Variants in ASIC3 observed in about 807,000 individuals in gnomAD.
ASIC3 encodes the protein acid-sensing ion channel 3.
Under a neutral mutation model 58.6 loss-of-function variants are expected in ASIC3, and 46 were observed. The ratio of observed to expected loss-of-function variants is 0.79; its 90% CI spans 0.62 to 1.00. The LOEUF is 1.00. Ranked by LOEUF, ASIC3 falls within the 50% of genes least tolerant of loss-of-function variation. The pLI is 0.00. For missense variants in ASIC3, 770 were observed against 735.0 expected, an observed-to-expected ratio of 1.05 and a Z score of -0.55; for synonymous variants, 336 against 300.2, an observed-to-expected ratio of 1.12 and a Z score of -1.23.
Position 151,052,275 on chromosome 7 carries a change from G to T in ASIC3, c.1458+38G>T. 2.5e-6 allele frequency: 4 copies of T among 1,613,756 alleles called. No individual in the cohort carries two copies. The highest frequency in any genetic ancestry group is 1.3e-5 in the African/African-American group (1 of 75,008). On this transcript the variant is annotated intron_variant, in intron 9 of 10. Transcript: ENST00000349064. The surrounding 1 kb of genome is among the most constrained non-coding windows in gnomAD (Gnocchi z 5.0). ...CTTCTGGAGCCCTTGCCTGCTCCAA[G>T]GGTGCTAGGGCCCACCCCTGAAGCC...
chr7:151,049,058 A>C lies in ASIC3; in HGVS notation c.173A>C (p.Tyr58Ser). ...GTCCTGTCAGTGGCCACCTTCCTCTACCAGGTGGCTGAGAGGGTGCGCTAC... is the reference window on the plus strand; with the variant it reads ...GTCCTGTCAGTGGCCACCTTCCTCTCCCAGGTGGCTGAGAGGGTGCGCTAC... ...AVVLSVATFL[Y>S]QVAERVRYYR... The change falls in exon 1 of 11, where the codon TAC becomes TCC. Residue 58 changes from tyrosine to serine, a missense_variant. Physicochemically the swap from Tyr to Ser is moderately radical, Grantham distance 144. Transcript: ENST00000349064. The C allele has an allele frequency of 6.2e-7, 1 of 1,613,070 alleles. No homozygotes were observed. The highest frequency in any genetic ancestry group is 1.6e-4 in the Middle Eastern group (1 of 6,062).
At position 151,049,050 on chromosome 7, in the gene ASIC3, C is replaced by T. The variant is rs1563316297; in HGVS notation, c.165C>T (p.Thr55=). ...WAAAVVLSVA[T]FLYQVAERVR... is the part of the protein sequence containing the mutation. ...CGGCCGTGGTCCTGTCAGTGGCCACCTTCCTCTACCAGGTGGCTGAGAGGG... is the reference window on the plus strand; with the variant it reads ...CGGCCGTGGTCCTGTCAGTGGCCACTTTCCTCTACCAGGTGGCTGAGAGGG... Residue 55 remains threonine (T), a synonymous_variant, in exon 1 of 11, where the codon ACC becomes ACT. Coordinates refer to ENST00000349064, the MANE Select transcript of ASIC3 (RefSeq NM_004769.4). 1.2e-6 allele frequency: 2 copies of T among 1,613,082 alleles called. No individual in the cohort carries two copies. Among genetic ancestry groups the T allele is most frequent in the Admixed American group, 1.7e-5 (1 of 60,026 alleles).
chr7:151,051,244 C>A lies in ASIC3; in HGVS notation c.1139C>A (p.Ser380Tyr). ...AGCACGCGCTACGCCAAGGAGCTCT[C>A]CATGGTGCGGATCCCGAGCCGCGCC... ...CASTRYAKEL[S>Y]MVRIPSRAAA... The change falls in exon 6 of 11, where the codon TCC becomes TAC. Residue 380 changes from serine to tyrosine, a missense_variant. By Grantham distance (144) the Ser-to-Tyr change is moderately radical. Transcript: ENST00000349064. The A allele has an allele frequency of 6.4e-7, 1 of 1,561,594 alleles. No homozygotes were observed. Among genetic ancestry groups the A allele is most frequent in the South Asian group, 1.2e-5 (1 of 86,278 alleles).
Position 151,048,953 on chromosome 7 carries a change from A to G in ASIC3, c.68A>G (p.Asn23Ser), listed in dbSNP as rs1239130586. Residue 23 changes from asparagine to serine, a missense_variant, in exon 1 of 11, where the codon AAC becomes AGC. Asn to Ser is a conservative substitution (Grantham distance 46). Coordinates refer to ENST00000349064, the MANE Select transcript of ASIC3 (RefSeq NM_004769.4). ...PASDIRVFAS[N>S]CSMHGLGHVF... ...TCGGACATCCGCGTGTTCGCCAGCA[A>G]CTGCTCGATGCACGGGCTGGGCCAC... is the stretch of plus-strand genomic sequence containing the variant. 3.8e-6 allele frequency: 6 copies of G among 1,592,656 alleles called. No individual in the cohort carries two copies. The South Asian group carries it at 4.5e-5, about 12-fold the overall frequency.
intron 1 of ASIC3, among the ~76,000 whole-genome samples, chr7:151,049,707 G>A (rs1257372097): frequency 1.3e-5 from 2 of 152,220 alleles, no homozygotes; most frequent in Non-Finnish European, 2.9e-5. Flanking sequence ...TCCTGGGGCT[G>A]GGGGTCCTCC....
Position 151,052,300 on chromosome 7 carries a change from C to T in ASIC3, c.1458+63C>T. 6.2e-7 allele frequency: 1 copy of T among 1,613,110 alleles called. No individual in the cohort carries two copies. The highest frequency in any genetic ancestry group is 8.5e-7 in the Non-Finnish European group (1 of 1,179,616). ...GGGTGCTAGGGCCCACCCCTGAAGC[C>T]TAGACCACCATCCCGCCCCAGCTGA... On this transcript the variant is annotated intron_variant, in intron 9 of 10. Transcript: ENST00000349064. The surrounding 1 kb of genome is among the most constrained non-coding windows in gnomAD (Gnocchi z 5.0).
In ASIC3 at chr7:151,052,385, C is replaced by A. The variant is rs776173541; in HGVS notation, c.1459-31C>A. On this transcript the variant is annotated intron_variant, in intron 9 of 10. Transcript: ENST00000349064. This position sits in a 1 kb window ranked among gnomAD's most constrained non-coding sequence, Gnocchi z 5.0. ...ACTGGTCCCTGGGAGGAGGACCACTCCCCACCTCTGACCCTCTCGTCCTCA... is the reference window on the plus strand; with the variant it reads ...ACTGGTCCCTGGGAGGAGGACCACTACCCACCTCTGACCCTCTCGTCCTCA... The A allele has an allele frequency of 1.2e-6, 2 of 1,613,744 alleles. No individual in the cohort carries two copies. Among genetic ancestry groups the A allele is most frequent in the Non-Finnish European group, 1.7e-6 (2 of 1,179,936 alleles).
At chr7:151,049,507 G>T (rs1018424838) in intron 1 of ASIC3, 88 bp downstream of exon 1, 2 of 1,471,044 alleles carry the variant, frequency 1.4e-6, no homozygotes, top group Admixed American at 2.3e-5. Context: ...GCCAGCACAG[G>T]CTCCCCCAAA....
rs371766506 is a variant in ASIC3 at position 151,048,543 on chromosome 7, G to A, written c.-343G>A. ...CTGAAACCCAATCCTCTGCAGCAGCGCCGGCTCAGCACCGCCGGCTCAGCA... is the reference window on the plus strand; with the variant it reads ...CTGAAACCCAATCCTCTGCAGCAGCACCGGCTCAGCACCGCCGGCTCAGCA... On this transcript the variant is annotated 5_prime_UTR_variant, in exon 1 of 11. Transcript: ENST00000349064. The A allele has an allele frequency of 1.2e-4, 34 of 292,906 alleles. No homozygotes were observed. In the Admixed American group the frequency reaches 1.4e-3, roughly 12 times the overall value. 18.1% of individuals were successfully genotyped at this position (292,906 alleles called of 1,614,324 possible). A position where few individuals can be genotyped will look rare whatever the true frequency, so the allele number is the denominator to read the frequency against.
Position 151,050,752 on chromosome 7 carries a change from C to G in ASIC3, c.814-6C>G. The stretch of plus-strand genomic sequence containing the variant: ...GGGAAGCCTCCTTAACCCTGTCCCC[C>G]CACAGCTGAGCTTCCTGCCACCGCC... On this transcript the variant is annotated splice_region_variant and splice_polypyrimidine_tract_variant and intron_variant, in intron 3 of 10. Transcript: ENST00000349064. 1 of 1,613,174 alleles carries G rather than the reference C, an allele frequency of 6.2e-7. No homozygotes were observed. Among genetic ancestry groups the G allele is most frequent in the Non-Finnish European group, 8.5e-7 (1 of 1,179,656 alleles).
intron 1 of ASIC3, among the ~76,000 whole-genome samples, chr7:151,049,768 G>A (rs1426434889): frequency 6.6e-6 from 1 of 152,192 alleles, no homozygotes; most frequent in Non-Finnish European, 1.5e-5. Flanking sequence ...CAGGAGGTGG[G>A]GGGGGCTTGC....
Position 151,049,133 on chromosome 7 carries a change from G to C in ASIC3, c.248G>C (p.Arg83Pro), listed in dbSNP as rs748626648. The change falls in exon 1 of 11, where the codon CGG becomes CCG. Residue 83 changes from arginine (R) to proline (P), a missense_variant. By Grantham distance (103) the Arg-to-Pro change is moderately radical. Transcript: ENST00000349064. Reference protein sequence around the residue: ...QTALDERESHRLIFPAVTLCN... With the variant: ...QTALDERESHPLIFPAVTLCN... The stretch of plus-strand genomic sequence containing the variant: ...GCCCTGGATGAGCGAGAAAGCCACC[G>C]GCTCATCTTCCCGGCTGTCACCCTG... The C allele has an allele frequency of 6.8e-6, 11 of 1,613,766 alleles. No homozygotes were observed. The highest frequency in any genetic ancestry group is 9.3e-6 in the Non-Finnish European group (11 of 1,179,916).
rs781472209 is a variant in ASIC3 at position 151,052,546 on chromosome 7, C to G, written c.1518-28C>G. The stretch of plus-strand genomic sequence containing the variant: ...TCAGGACAGTGGGTGTGCCCGTTCC[C>G]ACCCCAGCACTCTGCTCTGTTCCGA... On this transcript the variant is annotated intron_variant, in intron 10 of 10. Transcript: ENST00000349064. The surrounding 1 kb of genome is among the most constrained non-coding windows in gnomAD (Gnocchi z 5.0). The G allele has an allele frequency of 9.3e-6, 15 of 1,613,524 alleles. No individual in the cohort carries two copies. Among genetic ancestry groups the G allele is most frequent in the Non-Finnish European group, 1.2e-5 (14 of 1,179,770 alleles).
rs139974311 is a variant in ASIC3 at position 151,049,186 on chromosome 7, C to T, written c.301C>T (p.Arg101Cys). The change falls in exon 1 of 11, where the codon CGC (arginine) becomes TGC (cysteine). Residue 101 changes from arginine (R) to cysteine (C), a missense_variant. Physicochemically the swap from Arg to Cys is radical, Grantham distance 180 (BLOSUM62 -3). Transcript: ENST00000349064. ...LCNINPLRRSRLTPNDLHWAG... is the reference protein window; with the variant it reads ...LCNINPLRRSCLTPNDLHWAG... The stretch of plus-strand genomic sequence containing the variant: ...CAACATCAACCCACTGCGCCGCTCG[C>T]GCCTAACGCCCAACGACCTGCACTG... The T allele has an allele frequency of 1.5e-5, 24 of 1,613,634 alleles. No homozygotes were observed. The African/African-American group carries it at 2.4e-4, about 16-fold the overall frequency.
rs745324943 is a variant in ASIC3 at position 151,050,785 on chromosome 7, G to C, written c.841G>C (p.Asp281His). ...GAGCTTCCTGCCACCGCCCTGGGGC[G>C]ATTGCAGTTCAGCATCTCTGAACCC... ...QLSFLPPPWG[D>H]CSSASLNPNY... Residue 281 changes from aspartate to histidine, a missense_variant, in exon 4 of 11, where the codon GAT becomes CAT. Asp to His is a moderately conservative substitution (Grantham distance 81). Transcript: ENST00000349064. The C allele has an allele frequency of 2.5e-6, 4 of 1,613,846 alleles. No individual in the cohort carries two copies. The highest frequency in any genetic ancestry group is 1.1e-5 in the South Asian group (1 of 91,088).
In ASIC3 at chr7:151,052,624, G is replaced by T. The variant is rs778336098; in HGVS notation, c.1568G>T (p.Arg523Leu). The change falls in exon 11 of 11, where the codon CGC becomes CTC. Residue 523 changes from arginine (R) to leucine (L), a missense_variant. By Grantham distance (102) the Arg-to-Leu change is moderately radical. Coordinates refer to ENST00000349064, the MANE Select transcript of ASIC3 (RefSeq NM_004769.4). The surrounding 1 kb of genome is among the most constrained non-coding windows in gnomAD (Gnocchi z 5.0). ...ACCAAGACTCTCTCCGCCTCCCACC[G>T]CACCTGCTACCTTGTCACACAGCTC... ...AVTKTLSASH[R>L]TCYLVTQL 1.7e-5 allele frequency: 27 copies of T among 1,611,290 alleles called. No homozygotes were observed. Among genetic ancestry groups the T allele is most frequent in the Non-Finnish European group, 2.3e-5 (27 of 1,179,056 alleles).
At chr7:151,050,421 G>A in intron 2 of ASIC3, 60 bp from the exon 3 acceptor site, 2 of 1,597,376 alleles carry the variant, frequency 1.3e-6, no homozygotes, top group Non-Finnish European at 1.7e-6. Context: ...GAGAGGTCTT[G>A]TCTGGTTGGG....
chr7:151,050,593 T>C lies in ASIC3; in HGVS notation c.798T>C (p.Ser266=). Residue 266 remains serine (S), a synonymous_variant, in exon 3 of 11, where the codon TCT becomes TCC. Transcript: ENST00000349064. ...GVSPGYQTFV[S]CQQQQLSFLP... The stretch of plus-strand genomic sequence containing the variant: ...CCCCGGGCTACCAGACCTTTGTTTC[T>C]TGCCAGCAGCAGCAGGTACCCTTCC... 2 of 1,614,024 alleles carry C rather than the reference T, an allele frequency of 1.2e-6. No homozygotes were observed. Among genetic ancestry groups the C allele is most frequent in the Non-Finnish European group, 1.7e-6 (2 of 1,179,962 alleles).
chr7:151,050,048 T>A, intron 1 of ASIC3, 58 bp from the exon 2 acceptor site: 1 of 1,608,756 alleles, frequency 6.2e-7, no homozygotes, highest in Non-Finnish European at 8.5e-7. Context: ...TGGGGAGAGG[T>A]CCCATGACCA....
Sources: allele counts gnomAD v4.1 joint callset (sites outside exome capture counted in the v4.1 genomes callset), GRCh38; gene constraint gnomAD v4.1.1; non-coding constraint Gnocchi (gnomAD v3.1); transcripts MANE v1.5; gene names NCBI Gene and HGNC (gene_info 2026-07-23, HGNC 2026-07-21).